Variants in SLC10A7 observed in about 807,000 individuals in gnomAD.
SLC10A7 encodes the protein solute carrier family 10 member 7, also known as sodium/bile acid cotransporter 7.
In SLC10A7, 29 loss-of-function variants were observed where a neutral mutation model predicts 43.2. That is an observed-to-expected ratio of 0.67 (90% CI 0.50 to 0.92). The LOEUF is 0.92. SLC10A7 is among the 40% of genes least tolerant of loss of function. SLC10A7 has a pLI of 0.00. For missense variants in SLC10A7, 295 were observed against 403.2 expected, an observed-to-expected ratio of 0.73 and a Z score of 2.30; for synonymous variants, 152 against 144.8, an observed-to-expected ratio of 1.05 and a Z score of -0.35.
chr4:146,415,275 G>A (rs948985432), intron 5 of SLC10A7, among the ~76,000 whole-genome samples: 3 of 152,176 alleles, frequency 2.0e-5, no homozygotes, highest in African/African-American at 4.8e-5. Flanking sequence ...GAAATAGTGG[G>A]AACTGGATTC....
intron 5 of SLC10A7, among the ~76,000 whole-genome samples, chr4:146,344,372 AC>A (rs1218116724): frequency 6.6e-6 from 1 of 152,112 alleles, no homozygotes; most frequent in African/African-American, 2.4e-5. Flanking sequence ...TCAAACAGAT[AC>A]ACGGAAGAAG....
At chr4:146,427,195 C>T (rs1242024695) in intron 5 of SLC10A7, among the ~76,000 whole-genome samples, 1 of 152,020 alleles carries the variant, frequency 6.6e-6, no homozygotes, top group Non-Finnish European at 1.5e-5. Flanking sequence ...ATTAGCTGGG[C>T]ATGGTGTTGC....
intron 4 of SLC10A7, among the ~76,000 whole-genome samples, chr4:146,478,986 A>G (rs1285457832): frequency 6.6e-6 from 1 of 152,210 alleles, no homozygotes; most frequent in African/African-American, 2.4e-5. Context: ...CATGGTTTGA[A>G]TAAGAAAAAA....
intron 5 of SLC10A7, among the ~76,000 whole-genome samples, chr4:146,329,163 C>A (rs1448911759): frequency 1.3e-5 from 2 of 152,144 alleles, no homozygotes; most frequent in Non-Finnish European, 2.9e-5. Context: ...AGTTTCCTAG[C>A]AAATAGGAAG....
intron 7 of SLC10A7, among the ~76,000 whole-genome samples, chr4:146,301,466 G>T (rs551637385): frequency 2.0e-5 from 3 of 152,172 alleles, no homozygotes; most frequent in African/African-American, 4.8e-5. Flanking sequence ...AGGAAGGCAC[G>T]AGCAAGTTTT....
At chr4:146,280,802 A>G (rs1176056276) in intron 10 of SLC10A7, among the ~76,000 whole-genome samples, 2 of 152,188 alleles carry the variant, frequency 1.3e-5, no homozygotes, top group African/African-American at 4.8e-5. Context: ...ATACTATCTA[A>G]GAGACTGTAA....
At chr4:146,518,948 A>G (rs1738281139) in intron 1 of SLC10A7, among the ~76,000 whole-genome samples, 1 of 150,356 alleles carries the variant, frequency 6.7e-6, no homozygotes, top group Admixed American at 6.7e-5. Context: ...TGGCAGCCCT[A>G]AGAAACTAAT....
intron 5 of SLC10A7, among the ~76,000 whole-genome samples, chr4:146,406,211 T>G (rs943575239): frequency 2.4e-4 from 36 of 152,150 alleles, no homozygotes; most frequent in African/African-American, 8.4e-4. Context: ...CAAACAAAAT[T>G]AAAAAACCAA....
chr4:146,370,581 G>A lies in SLC10A7; in HGVS notation c.436-44585C>T, dbSNP rs77157863. Reference sequence around the variant, plus strand: ...CAAATCAGATTGTCTGTGTTCCTACGCTAAACTTCAGGGCACAAAGAAGAA... The same window carrying A: ...CAAATCAGATTGTCTGTGTTCCTACACTAAACTTCAGGGCACAAAGAAGAA... On this transcript the variant is annotated intron_variant, in intron 5 of 11. Transcript: ENST00000335472. Among the ~76,000 whole-genome samples the A allele has an allele frequency of 1.1e-3, 173 of 152,202 alleles. 1 individual carries two copies. In the East Asian group the frequency reaches 0.019, roughly 17 times the overall value.
At chr4:146,431,570 A>T (rs1729780302) in intron 5 of SLC10A7, among the ~76,000 whole-genome samples, 1 of 152,174 alleles carries the variant, frequency 6.6e-6, no homozygotes, top group African/African-American at 2.4e-5. Context: ...TGACAGACAC[A>T]TAAACCTTAC....
Position 146,398,683 on chromosome 4 carries a change from C to T in SLC10A7, c.435+44100G>A, listed in dbSNP as rs142917375. ...AGAATAAAATGTGGCTTTGTAAAGG[C>T]TTTGAGAGGCAGAAACAAACAACAA... On this transcript the variant is annotated intron_variant, in intron 5 of 11. Transcript: ENST00000335472. 3.8e-3 allele frequency among the ~76,000 whole-genome samples: 581 copies of T among 152,228 alleles called. 2 individuals carry two copies. The highest frequency in any genetic ancestry group is 0.013 in the African/African-American group (530 of 41,538).
chr4:146,355,189 C>T (rs1390634412), intron 5 of SLC10A7, among the ~76,000 whole-genome samples: 1 of 151,270 alleles, frequency 6.6e-6, no homozygotes, highest in African/African-American at 2.4e-5. Context: ...AACAAATTTA[C>T]AAGAAAAAAA....
intron 4 of SLC10A7, among the ~76,000 whole-genome samples, chr4:146,454,025 G>A (rs1220621522): frequency 2.0e-5 from 3 of 151,828 alleles, no homozygotes; most frequent in African/African-American, 4.8e-5. Context: ...TGATGATTCT[G>A]TATTTCTTAT....
chr4:146,470,630 C>G (rs991597151), intron 4 of SLC10A7, among the ~76,000 whole-genome samples: 1 of 152,102 alleles, frequency 6.6e-6, no homozygotes, highest in Admixed American at 6.6e-5. Flanking sequence ...AACTTGAACA[C>G]AGTTTTTCCT....
At chr4:146,444,665 GGTATATTAGGTACCCAAAGACGATGCT>G (rs1314958237) in intron 4 of SLC10A7, among the ~76,000 whole-genome samples, 1 of 152,090 alleles carries the variant, frequency 6.6e-6, no homozygotes, top group African/African-American at 2.4e-5. Flanking sequence ...GACAGTGACG[GGTATATTAGGTACCCAAAGACGATGCT>G]GCAGGCCAAC....
At chr4:146,368,535 C>T (rs949148312) in intron 5 of SLC10A7, among the ~76,000 whole-genome samples, 15 of 152,156 alleles carry the variant, frequency 9.9e-5, no homozygotes, top group Admixed American at 3.3e-4. Context: ...GGTAGTAACC[C>T]TGCACTGATT....
chr4:146,309,048 G>T (rs963882655), intron 6 of SLC10A7, among the ~76,000 whole-genome samples: 1 of 152,120 alleles, frequency 6.6e-6, no homozygotes, highest in Non-Finnish European at 1.5e-5. Flanking sequence ...GTGCACGCCT[G>T]TCCATCGCCA....
chr4:146,382,142 G>A (rs756841459), intron 5 of SLC10A7, among the ~76,000 whole-genome samples: 10 of 152,052 alleles, frequency 6.6e-5, no homozygotes, highest in Non-Finnish European at 1.5e-4. Context: ...AGTACTCTGG[G>A]TTCTGTTATC....
intron 3 of SLC10A7, among the ~76,000 whole-genome samples, chr4:146,506,083 T>A (rs988703182): frequency 1.7e-4 from 26 of 152,146 alleles, no homozygotes; most frequent in African/African-American, 6.3e-4. Flanking sequence ...GCATTTTCAA[T>A]CTTTTTAGCT....
Sources: allele counts gnomAD v4.1 joint callset (sites outside exome capture counted in the v4.1 genomes callset), GRCh38; gene constraint gnomAD v4.1.1; transcripts MANE v1.5; gene names NCBI Gene and HGNC (gene_info 2026-07-23, HGNC 2026-07-21).